Variants in NFIB observed in about 807,000 individuals in gnomAD.
NFIB encodes nuclear factor I B.
Under a neutral mutation model 61.5 loss-of-function variants are expected in NFIB, and 11 were observed. The observed-to-expected ratio is 0.18, with a 90% CI of 0.11 to 0.30. The LOEUF (loss-of-function observed/expected upper bound fraction) is 0.30. Ranked by LOEUF, NFIB falls within the 10% of genes least tolerant of loss-of-function variation. The pLI, the probability that NFIB is intolerant of heterozygous loss-of-function variation, is 1.00. For missense variants in NFIB, 471 were observed against 608.9 expected, an observed-to-expected ratio of 0.77 and a Z score of 2.38; for synonymous variants, 260 against 216.5, an observed-to-expected ratio of 1.20 and a Z score of -1.76.
chr9:14,454,186 A>G, the NFIB span, among the ~76,000 whole-genome samples: 2 of 152,246 alleles, frequency 1.3e-5, no homozygotes, highest in African/African-American at 2.4e-5. Flanking sequence ...ACAAGTTGTC[A>G]TTTAGGACTC....
intron 4 of NFIB, among the ~76,000 whole-genome samples, chr9:14,152,650 T>A (rs889559206): frequency 1.3e-5 from 2 of 152,262 alleles, no homozygotes; most frequent in East Asian, 3.9e-4. Flanking sequence ...TATGGCTCCA[T>A]AGTTAACATA....
At chr9:14,244,391 A>G (rs1381472510) in intron 2 of NFIB, among the ~76,000 whole-genome samples, 1 of 152,208 alleles carries the variant, frequency 6.6e-6, no homozygotes, top group Non-Finnish European at 1.5e-5. Flanking sequence ...AGTCACTAAT[A>G]CATTCTGAAT....
chr9:14,496,376 A>G, the NFIB span, among the ~76,000 whole-genome samples: 1 of 152,184 alleles, frequency 6.6e-6, no homozygotes, highest in Non-Finnish European at 1.5e-5. Flanking sequence ...AACCCGTCAC[A>G]TGAGGTCAGG....
the NFIB span, among the ~76,000 whole-genome samples, chr9:14,520,286 T>C: frequency 2.6e-5 from 4 of 152,212 alleles, no homozygotes; most frequent in African/African-American, 9.6e-5. Context: ...CCTGAAACTT[T>C]CCAATTTCAT....
At chr9:14,191,371 C>A (rs897324388) in intron 2 of NFIB, among the ~76,000 whole-genome samples, 2 of 151,708 alleles carry the variant, frequency 1.3e-5, no homozygotes, top group Admixed American at 6.6e-5. Flanking sequence ...TAATTCTAAC[C>A]AAGAATAATA....
At chr9:14,245,100 G>A (rs1378691146) in intron 2 of NFIB, among the ~76,000 whole-genome samples, 1 of 152,120 alleles carries the variant, frequency 6.6e-6, no homozygotes, top group Non-Finnish European at 1.5e-5. Flanking sequence ...ATTCAGACCT[G>A]TATTTTCATT....
intron 2 of NFIB, among the ~76,000 whole-genome samples, chr9:14,304,075 C>T (rs1056780050): frequency 1.1e-4 from 16 of 152,144 alleles, no homozygotes; most frequent in Admixed American, 9.2e-4. Context: ...CTCATGGCCA[C>T]GTGATGCAAA....
At chr9:14,090,210 T>C (rs565442939) in intron 10 of NFIB, among the ~76,000 whole-genome samples, 14 of 152,144 alleles carry the variant, frequency 9.2e-5, no homozygotes, top group Non-Finnish European at 1.8e-4. Context: ...AAAAATTGAT[T>C]AAGCAGGAAT....
chr9:14,200,048 A>T (rs1031542824), intron 2 of NFIB, among the ~76,000 whole-genome samples: 1 of 152,140 alleles, frequency 6.6e-6, no homozygotes, highest in Non-Finnish European at 1.5e-5. Flanking sequence ...AGGGACCTGG[A>T]GCCTGGAGCA....
upstream of NFIB, chr9:14,314,672 T>C (rs2060453867): frequency 6.6e-6 from 1 of 151,922 alleles, no homozygotes; most frequent in African/African-American, 2.4e-5. Context: ...GCATTCCTTT[T>C]GCACCAGCCT....
the NFIB span, among the ~76,000 whole-genome samples, chr9:14,435,087 G>A: frequency 1.6e-4 from 24 of 152,074 alleles, no homozygotes; most frequent in African/African-American, 5.8e-4. Flanking sequence ...TACATCTTCC[G>A]TCTATGGCCA....
At chr9:14,518,439 T>A in the NFIB span, among the ~76,000 whole-genome samples, 5 of 151,650 alleles carry the variant, frequency 3.3e-5, no homozygotes, top group African/African-American at 1.2e-4. Flanking sequence ...TCCTGATGAA[T>A]GCCACCCATT....
chr9:14,428,694 T>C, the NFIB span, among the ~76,000 whole-genome samples: 3 of 152,210 alleles, frequency 2.0e-5, no homozygotes, highest in African/African-American at 7.2e-5. Context: ...CCTTTGAACG[T>C]TGACATTCAA....
chr9:14,162,307 A>T (rs2131283527), intron 3 of NFIB, among the ~76,000 whole-genome samples: 1 of 152,134 alleles, frequency 6.6e-6, no homozygotes, highest in African/African-American at 2.4e-5. Context: ...TCAGATTTTT[A>T]AAAAGTTTTC....
At chr9:14,127,194 T>C (rs2039771077) in intron 6 of NFIB, among the ~76,000 whole-genome samples, 1 of 152,246 alleles carries the variant, frequency 6.6e-6, no homozygotes, top group Admixed American at 6.5e-5. Flanking sequence ...CTTAGTTGAC[T>C]AAGAGACTAT....
At chr9:14,179,838 A>G in intron 2 of NFIB, 58 bp from the exon 3 acceptor site, 1 of 1,581,842 alleles carries the variant, frequency 6.3e-7, no homozygotes, top group Non-Finnish European at 8.6e-7. Flanking sequence ...GAATTTCACA[A>G]TCCTCAAAGG....
intron 1 of NFIB, chr9:14,357,334 T>C (rs900090813): frequency 4.6e-5 from 7 of 152,134 alleles, no homozygotes; most frequent in Non-Finnish European, 8.8e-5. Context: ...ATACTTTATA[T>C]GTGGAGAGTC....
intron 1 of NFIB, among the ~76,000 whole-genome samples, chr9:14,326,353 G>A (rs1393843888): frequency 6.6e-6 from 1 of 152,128 alleles, no homozygotes; most frequent in African/African-American, 2.4e-5. Flanking sequence ...TACAAGATAG[G>A]CATCTGCAGT....
Position 14,082,133 on chromosome 9 carries a change from T to C in NFIB, c.*6176A>G, listed in dbSNP as rs566203043. On this transcript the variant is annotated 3_prime_UTR_variant, in exon 11 of 11. Transcript: ENST00000380953. Reference sequence around the variant, plus strand: ...GGGTTGATCCCAGAGGCCTGAACTCTAGAAATTAAGTAACTGTCGTATAAT... The same window carrying C: ...GGGTTGATCCCAGAGGCCTGAACTCCAGAAATTAAGTAACTGTCGTATAAT... 2 of 208,604 alleles carry C rather than the reference T, an allele frequency of 9.6e-6. No individual in the cohort carries two copies. The highest frequency in any genetic ancestry group is 5.9e-5 in the Admixed American group (1 of 16,934). The allele number at this position is 208,604 out of a possible 1,614,324, so 12.9% of individuals were successfully genotyped here. A position where few individuals can be genotyped will look rare whatever the true frequency, so the allele number is the denominator to read the frequency against.
Sources: gnomAD v4.1 joint callset for allele counts (sites outside exome capture counted in the v4.1 genomes callset) on GRCh38, gnomAD v4.1.1 for gene constraint, MANE v1.5 for transcripts, NCBI Gene and HGNC (gene_info 2026-07-23, HGNC 2026-07-21) for gene names.